Variants in SUPT3H observed in about 807,000 individuals in gnomAD.
The protein encoded by SUPT3H is transcription initiation protein SPT3 homolog.
In SUPT3H, 44 loss-of-function variants were observed where a neutral mutation model predicts 44.3. The observed-to-expected ratio is 0.99, with a 90% confidence interval of 0.78 to 1.28. The LOEUF (loss-of-function observed/expected upper bound fraction) is 1.28, where lower values mean the gene tolerates loss of function less well. SUPT3H is among the 50% of genes most tolerant of loss of function. The probability of loss-of-function intolerance (pLI) is 0.00; values close to 1 mark genes in which losing one functional copy is unlikely to be tolerated. For missense variants in SUPT3H, 380 were observed against 387.1 expected, an observed-to-expected ratio of 0.98 and a Z score of 0.15; for synonymous variants, 124 against 125.6, an observed-to-expected ratio of 0.99 and a Z score of 0.09.
At chr6:44,995,351 T>C (rs1325848701) in intron 6 of SUPT3H, among the ~76,000 whole-genome samples, 1 of 152,068 alleles carries the variant, frequency 6.6e-6, no homozygotes, top group Non-Finnish European at 1.5e-5. Context: ...GACAACTTTT[T>C]CTTCCCTAAA....
At chr6:45,183,437 T>G (rs1230301968) in intron 2 of SUPT3H, among the ~76,000 whole-genome samples, 1 of 152,072 alleles carries the variant, frequency 6.6e-6, no homozygotes, top group Non-Finnish European at 1.5e-5. Flanking sequence ...ATAATGAAAA[T>G]ATAAACAAAT....
intron 6 of SUPT3H, among the ~76,000 whole-genome samples, chr6:44,979,431 A>G (rs1021474111): frequency 2.6e-5 from 4 of 152,202 alleles, no homozygotes; most frequent in African/African-American, 9.7e-5. Flanking sequence ...CACTTGGCCT[A>G]TGGTTATGAT....
chr6:44,977,461 TA>T (rs1036210529), intron 6 of SUPT3H, among the ~76,000 whole-genome samples: 9 of 152,088 alleles, frequency 5.9e-5, no homozygotes, highest in African/African-American at 1.9e-4. Flanking sequence ...AAATACTTTT[TA>T]AAAAAAATTT....
chr6:45,050,096 A>C lies in SUPT3H; in HGVS notation c.187-29464T>G, dbSNP rs75761007. On this transcript the variant is annotated intron_variant, in intron 3 of 10. Coordinates refer to ENST00000371459, the MANE Select transcript of SUPT3H (RefSeq NM_003599.4). ...GTACTCCAAGTATGGCAAGTCTAGG[A>C]TTCCACCCACAAGGACATCATTATC... is the stretch of plus-strand genomic sequence containing the variant. 7.7e-3 allele frequency among the ~76,000 whole-genome samples: 1,167 copies of C among 152,298 alleles called. 21 individuals carry two copies. The highest frequency in any genetic ancestry group is 0.026 in the African/African-American group (1,099 of 41,562).
chr6:45,282,963 G>C (rs1584684186), intron 2 of SUPT3H, among the ~76,000 whole-genome samples: 1 of 152,224 alleles, frequency 6.6e-6, no homozygotes, highest in East Asian at 1.9e-4. Flanking sequence ...TTTTAACCCA[G>C]AATTTCATAT....
chr6:45,009,517 T>A (rs1476318272), intron 5 of SUPT3H, among the ~76,000 whole-genome samples: 1 of 152,292 alleles, frequency 6.6e-6, no homozygotes, highest in African/African-American at 2.4e-5. Context: ...GCCCAAATTC[T>A]TTCTCTTGGA....
chr6:45,097,743 A>G (rs2153566607), intron 3 of SUPT3H: 1 of 152,338 alleles, frequency 6.6e-6, no homozygotes, highest in East Asian at 1.9e-4. Flanking sequence ...AATGATAAAA[A>G]TATATATACT....
intron 2 of SUPT3H, among the ~76,000 whole-genome samples, chr6:45,121,667 GT>G (rs937624564): frequency 6.6e-6 from 1 of 151,648 alleles, no homozygotes; most frequent in South Asian, 2.1e-4. Context: ...TTTTTTTTGG[GT>G]TTTTTTGTTT....
intron 3 of SUPT3H, among the ~76,000 whole-genome samples, chr6:45,087,220 G>A (rs537721161): frequency 1.3e-4 from 19 of 151,840 alleles, no homozygotes; most frequent in Admixed American, 2.0e-4. Context: ...CATTATTTTC[G>A]TTGGTTATTT....
intron 10 of SUPT3H, among the ~76,000 whole-genome samples, chr6:44,853,373 G>T (rs1304332818): frequency 6.6e-6 from 1 of 152,132 alleles, no homozygotes; most frequent in Admixed American, 6.5e-5. Context: ...TTCAATAAAT[G>T]CAAGTGGTGC....
intron 2 of SUPT3H, among the ~76,000 whole-genome samples, chr6:45,317,920 A>T (rs987683614): frequency 3.3e-5 from 5 of 152,188 alleles, no homozygotes; most frequent in African/African-American, 1.2e-4. Flanking sequence ...AGAATGAGAA[A>T]ATATATTTGC....
At chr6:45,162,475 G>C (rs999314390) in intron 2 of SUPT3H, among the ~76,000 whole-genome samples, 5 of 152,270 alleles carry the variant, frequency 3.3e-5, no homozygotes, top group Admixed American at 2.6e-4. Context: ...AGTGAGCCAA[G>C]ATCATGCCAC....
At chr6:44,824,988 C>T (rs1393545745), downstream of SUPT3H, among the ~76,000 whole-genome samples, 1 of 152,146 alleles carries the variant, frequency 6.6e-6, no homozygotes, top group East Asian at 1.9e-4. Flanking sequence ...GCCATATGTA[C>T]TTTTGTATCT....
chr6:45,329,342 TAA>T (rs1269226501), intron 2 of SUPT3H, among the ~76,000 whole-genome samples: 1 of 151,982 alleles, frequency 6.6e-6, no homozygotes, highest in Non-Finnish European at 1.5e-5. Flanking sequence ...CCTATCTAAA[TAA>T]GTTTGTTTCT....
In SUPT3H at chr6:44,922,760, T is replaced by G. The variant is rs192629864; in HGVS notation, c.912+9893A>C. Among the ~76,000 whole-genome samples, 19 of 152,290 alleles carry G rather than the reference T, an allele frequency of 1.2e-4. No individual in the cohort carries two copies. The East Asian group carries it at 3.3e-3, about 26-fold the overall frequency. On this transcript the variant is annotated intron_variant, in intron 10 of 10. Transcript: ENST00000371459. ...GCAACTTAATGTACTGAAAGAGTCA[T>G]CTATCTGAGTATTTATAATCTTCTT...
intron 2 of SUPT3H, among the ~76,000 whole-genome samples, chr6:45,214,691 T>C (rs1562708520): frequency 6.6e-6 from 1 of 152,104 alleles, no homozygotes; most frequent in Non-Finnish European, 1.5e-5. Flanking sequence ...TAAAATAATT[T>C]ATTTCATGTT....
intron 9 of SUPT3H, among the ~76,000 whole-genome samples, chr6:44,947,264 T>C (rs566115592): frequency 2.6e-5 from 4 of 152,302 alleles, no homozygotes; most frequent in Non-Finnish European, 4.4e-5. Flanking sequence ...GAAACAAACC[T>C]GCAATATCTC....
At chr6:45,214,709 T>C (rs1764739357) in intron 2 of SUPT3H, among the ~76,000 whole-genome samples, 1 of 152,008 alleles carries the variant, frequency 6.6e-6, no homozygotes, top group African/African-American at 2.4e-5. Context: ...GTTAGCTGAG[T>C]GTGTTGGCAC....
chr6:44,949,147 A>T (rs541297033), intron 9 of SUPT3H, among the ~76,000 whole-genome samples: 2 of 152,262 alleles, frequency 1.3e-5, no homozygotes, highest in South Asian at 4.1e-4. Flanking sequence ...AGGACAGAAA[A>T]CCAAACACCG....
Sources: allele counts gnomAD v4.1 joint callset (sites outside exome capture counted in the v4.1 genomes callset), GRCh38; gene constraint gnomAD v4.1.1; transcripts MANE v1.5; gene names NCBI Gene and HGNC (gene_info 2026-07-23, HGNC 2026-07-21).